The following SLCO3A1 variants were observed in gnomAD, a reference collection of about 807,000 sequenced individuals.
SLCO3A1 encodes solute carrier organic anion transporter family member 3A1.
Under a neutral mutation model 63.1 loss-of-function variants are expected in SLCO3A1, and 27 were observed. That is an observed-to-expected ratio of 0.43 (90% confidence interval 0.32 to 0.59). SLCO3A1 has a LOEUF of 0.59. SLCO3A1 is among the 20% of genes least tolerant of loss of function. The pLI, the probability that SLCO3A1 is intolerant of heterozygous loss-of-function variation, is 0.09. For synonymous variants in SLCO3A1, 473 were observed against 409.9 expected (o/e 1.15, Z -1.86); for missense variants, 773 against 945.8 (o/e 0.82, Z 2.40).
At chr15:92,021,370 G>C (rs182094351) in intron 2 of SLCO3A1, among the ~76,000 whole-genome samples, 1 of 152,234 alleles carries the variant, frequency 6.6e-6, no homozygotes, top group African/African-American at 2.4e-5. Flanking sequence ...CAGGCCTGCT[G>C]TGCCCCATGA....
intron 2 of SLCO3A1, among the ~76,000 whole-genome samples, chr15:91,922,366 C>T (rs1270428635): frequency 6.6e-6 from 1 of 152,182 alleles, no homozygotes; most frequent in Non-Finnish European, 1.5e-5. Flanking sequence ...GTATTAGACA[C>T]AAAAATGTGT....
At chr15:91,971,836 G>A (rs930025274) in intron 2 of SLCO3A1, among the ~76,000 whole-genome samples, 1 of 91,756 alleles carries the variant, frequency 1.1e-5, no homozygotes, top group Non-Finnish European at 2.9e-5. Flanking sequence ...CAGTGGCTCC[G>A]TATTCAACAG....
chr15:92,092,919 T>G (rs1466206083), intron 2 of SLCO3A1, among the ~76,000 whole-genome samples: 1 of 152,202 alleles, frequency 6.6e-6, no homozygotes, highest in Non-Finnish European at 1.5e-5. Flanking sequence ...ATTCTACAGT[T>G]TCTGGTTGGC....
chr15:91,910,449 C>G (rs1391348103), intron 1 of SLCO3A1, among the ~76,000 whole-genome samples: 1 of 152,356 alleles, frequency 6.6e-6, no homozygotes, highest in South Asian at 2.1e-4. Context: ...AGGCACTTGG[C>G]TGTGTGGGAC....
At chr15:92,159,968 G>C (rs2048417135) in intron 9 of SLCO3A1, among the ~76,000 whole-genome samples, 2 of 152,056 alleles carry the variant, frequency 1.3e-5, no homozygotes, top group African/African-American at 4.8e-5. Flanking sequence ...CACCGACCTG[G>C]AATTTGTATG....
intron 2 of SLCO3A1, among the ~76,000 whole-genome samples, chr15:92,044,493 G>A (rs898830780): frequency 3.3e-5 from 5 of 152,118 alleles, no homozygotes; most frequent in African/African-American, 1.2e-4. Flanking sequence ...CCTTCTCCCA[G>A]CCTTTCCCTT....
intron 4 of SLCO3A1, among the ~76,000 whole-genome samples, chr15:92,119,497 G>C (rs181813169): frequency 6.6e-6 from 1 of 152,274 alleles, no homozygotes; most frequent in Non-Finnish European, 1.5e-5. Flanking sequence ...GGTAGACTGG[G>C]TGATGAGAAG....
chr15:92,026,424 A>G (rs1440680541), intron 2 of SLCO3A1, among the ~76,000 whole-genome samples: 1 of 152,248 alleles, frequency 6.6e-6, no homozygotes, highest in Non-Finnish European at 1.5e-5. Context: ...AATACCTGAG[A>G]GCAAGTAGAA....
intron 1 of SLCO3A1, among the ~76,000 whole-genome samples, chr15:91,873,806 C>T (rs1485406677): frequency 2.0e-5 from 3 of 152,192 alleles, no homozygotes; most frequent in Non-Finnish European, 4.4e-5. Context: ...CCATTTCTAG[C>T]TCTATACCTA....
In SLCO3A1 at chr15:91,953,676, C is replaced by G. The variant is rs145621948; in HGVS notation, c.646+37218C>G. 2.9e-3 allele frequency among the ~76,000 whole-genome samples: 449 copies of G among 152,236 alleles called. 5 individuals are homozygous for G. Among genetic ancestry groups the G allele is most frequent in the Non-Finnish European group, 4.9e-3 (335 of 68,018 alleles). ...AAAGTGAGGTTGGCAGTGGGAATTTCCCACCTCTGTTTACCTCTGCTTTGA... is the reference window on the plus strand; with the variant it reads ...AAAGTGAGGTTGGCAGTGGGAATTTGCCACCTCTGTTTACCTCTGCTTTGA... On this transcript the variant is annotated intron_variant, in intron 2 of 9. Transcript: ENST00000318445.
Position 92,164,551 on chromosome 15 carries a change from A to T in SLCO3A1, c.*1416A>T, listed in dbSNP as rs1291416024. The T allele has an allele frequency of 1.0e-6, 1 of 985,284 alleles. No individual in the cohort carries two copies. The highest frequency in any genetic ancestry group is 1.1e-4 in the East Asian group (1 of 8,820). The allele number at this position is 985,284 out of a possible 1,614,324, so 61.0% of individuals were successfully genotyped here. On this transcript the variant is annotated 3_prime_UTR_variant, in exon 10 of 10. Transcript: ENST00000318445. ...ATGTGGGTTTGTGTGTATGGGTGCA[A>T]CACTTCCGGGGATAGGAAAGAAGAA...
chr15:92,101,466 A>C (rs2047603958), intron 3 of SLCO3A1, among the ~76,000 whole-genome samples: 1 of 151,964 alleles, frequency 6.6e-6, no homozygotes. Flanking sequence ...CCAAGATCAC[A>C]CCACTGCACT....
intron 2 of SLCO3A1, among the ~76,000 whole-genome samples, chr15:92,044,287 C>T (rs1567084965): frequency 6.6e-6 from 1 of 152,118 alleles, no homozygotes; most frequent in Non-Finnish European, 1.5e-5. Flanking sequence ...TGATGTGTAC[C>T]CCCCGAAACC....
chr15:92,051,787 A>G (rs1467238362), intron 2 of SLCO3A1, among the ~76,000 whole-genome samples: 1 of 152,154 alleles, frequency 6.6e-6, no homozygotes, highest in Non-Finnish European at 1.5e-5. Context: ...AGACACTTAC[A>G]TTTTCCATTG....
intron 5 of SLCO3A1, among the ~76,000 whole-genome samples, chr15:92,122,035 C>T (rs958983867): frequency 1.3e-5 from 2 of 152,012 alleles, no homozygotes; most frequent in African/African-American, 4.8e-5. Flanking sequence ...GAGGACATGG[C>T]CTGTGGCATG....
intron 2 of SLCO3A1, among the ~76,000 whole-genome samples, chr15:92,079,582 T>C (rs2151522057): frequency 6.6e-6 from 1 of 152,288 alleles, no homozygotes; most frequent in South Asian, 2.1e-4. Flanking sequence ...CTCATTGTAA[T>C]GTAATAATCT....
At position 92,144,045 on chromosome 15, in the gene SLCO3A1, A is replaced by G. The variant is rs114261440; in HGVS notation, c.1513-2939A>G. Among the ~76,000 whole-genome samples, 805 of 152,340 alleles carry G rather than the reference A, an allele frequency of 5.3e-3. 8 individuals carry two copies. The highest frequency in any genetic ancestry group is 0.019 in the African/African-American group (773 of 41,574). ...GCGGCGCCAAGTCGGGAGTGCTGGG[A>G]CAGGTCGGCGCCTTCCGGGCGCGTC... is the stretch of plus-strand genomic sequence containing the variant. On this transcript the variant is annotated intron_variant, in intron 7 of 9. Transcript: ENST00000318445.
chr15:91,993,109 T>A (rs886609543), intron 2 of SLCO3A1, among the ~76,000 whole-genome samples: 8 of 152,220 alleles, frequency 5.3e-5, no homozygotes, highest in African/African-American at 1.9e-4. Flanking sequence ...TCTTATCTCC[T>A]AAGTACAGCA....
At chr15:92,124,500 C>G (rs917992989) in intron 5 of SLCO3A1, among the ~76,000 whole-genome samples, 5 of 151,666 alleles carry the variant, frequency 3.3e-5, no homozygotes, top group Non-Finnish European at 7.3e-5. Flanking sequence ...TCACACACAT[C>G]CAATCTGTTC....
Sources: allele counts gnomAD v4.1 joint callset (sites outside exome capture counted in the v4.1 genomes callset), GRCh38; gene constraint gnomAD v4.1.1; transcripts MANE v1.5; gene names NCBI Gene and HGNC (gene_info 2026-07-23, HGNC 2026-07-21).